PELI1: variants seen among roughly 807,000 people sequenced by gnomAD.
PELI1 encodes pellino E3 ubiquitin protein ligase 1.
A neutral mutation model predicts 41.3 loss-of-function variants in PELI1; 15 were observed. That is an observed-to-expected ratio of 0.36 (90% CI 0.24 to 0.56). PELI1 has a LOEUF of 0.56. Ranked by LOEUF, PELI1 falls within the 20% of genes least tolerant of loss-of-function variation. PELI1 has a pLI of 0.82. For synonymous variants in PELI1, 178 were observed against 180.1 expected, an observed-to-expected ratio of 0.99 and a Z score of 0.09; for missense variants, 403 against 525.5, an observed-to-expected ratio of 0.77 and a Z score of 2.28.
At chr2:64,135,201 C>T (rs972148211) in intron 1 of PELI1, among the ~76,000 whole-genome samples, 7 of 152,096 alleles carry the variant, frequency 4.6e-5, no homozygotes, top group African/African-American at 1.7e-4. Context: ...ATTTTACTAT[C>T]AAACTTTGCT....
At chr2:64,105,259 C>T (rs1313581709) in intron 2 of PELI1, among the ~76,000 whole-genome samples, 1 of 152,142 alleles carries the variant, frequency 6.6e-6, no homozygotes, top group Non-Finnish European at 1.5e-5. Flanking sequence ...GTGAACCAAA[C>T]ACTTTAAATA....
At chr2:64,098,387 G>C (rs937886430) in intron 4 of PELI1, among the ~76,000 whole-genome samples, 1 of 152,078 alleles carries the variant, frequency 6.6e-6, no homozygotes, top group South Asian at 2.1e-4. Flanking sequence ...CAATCCAGCC[G>C]AATTTCCTGC....
chr2:64,143,888 T>C (rs1438800248), intron 1 of PELI1, among the ~76,000 whole-genome samples, 193 bp downstream of exon 1: 1 of 151,374 alleles, frequency 6.6e-6, no homozygotes, highest in Non-Finnish European at 1.5e-5. Flanking sequence ...ACAAAGGCGC[T>C]TCCTCGAGCC....
At chr2:64,121,186 T>C (rs1681197748) in intron 1 of PELI1, among the ~76,000 whole-genome samples, 1 of 152,234 alleles carries the variant, frequency 6.6e-6, no homozygotes, top group Non-Finnish European at 1.5e-5. Context: ...GATCGGGGCA[T>C]ATTCTAGGGT....
intron 3 of PELI1, among the ~76,000 whole-genome samples, chr2:64,101,287 A>G (rs1439042317): frequency 6.6e-6 from 1 of 151,992 alleles, no homozygotes. Flanking sequence ...ATACAGAAAA[A>G]TGCATTTGGG....
In PELI1 at chr2:64,102,060, C is replaced by T. The variant is rs183748358; in HGVS notation, c.202-1561G>A. On this transcript the variant is annotated intron_variant, in intron 3 of 6. Transcript: ENST00000358912. ...CAGGCTGGTCTCGAACTCCTGACCT[C>T]GTGATCCACCCACCTCGGCCTCCCA... Among the ~76,000 whole-genome samples the T allele has an allele frequency of 7.9e-5, 12 of 152,078 alleles. No individual in the cohort carries two copies. In the East Asian group the frequency reaches 2.1e-3, roughly 27 times the overall value.
intron 1 of PELI1, among the ~76,000 whole-genome samples, chr2:64,110,928 A>AATATATATAT (rs113178570): frequency 0.012 from 1,792 of 149,348 alleles, 19 homozygotes; most frequent in South Asian, 0.019. Context: ...TCCATTTCAA[A>AATATATATAT]ATATATATAT....
intron 1 of PELI1, among the ~76,000 whole-genome samples, chr2:64,127,526 C>T (rs913415259): frequency 9.9e-5 from 15 of 152,144 alleles, no homozygotes; most frequent in Non-Finnish European, 2.2e-4. Context: ...TATTTTTCCT[C>T]ACACTATCAG....
intron 3 of PELI1, 87 bp downstream of exon 3, chr2:64,104,614 A>C: frequency 1.4e-6 from 2 of 1,400,210 alleles, no homozygotes; most frequent in Non-Finnish European, 9.3e-7. Context: ...TAGAAATGTA[A>C]GGGGAATGCT....
At chr2:64,099,020 T>C (rs1196266262) in intron 4 of PELI1, among the ~76,000 whole-genome samples, 3 of 152,198 alleles carry the variant, frequency 2.0e-5, no homozygotes, top group Non-Finnish European at 4.4e-5. Flanking sequence ...CCTGGTTTAA[T>C]TTCAGTTTTG....
In PELI1 at chr2:64,093,775, G is replaced by A. The variant is rs1680129996; in HGVS notation, c.*927C>T. 6.6e-6 allele frequency: 1 copy of A among 152,484 alleles called. No individual in the cohort carries two copies. The highest frequency in any genetic ancestry group is 1.9e-4 in the East Asian group (1 of 5,196). The allele number at this position is 152,484 out of a possible 1,614,324, so 9.4% of individuals were successfully genotyped here. On this transcript the variant is annotated 3_prime_UTR_variant, in exon 7 of 7. Coordinates refer to ENST00000358912, the MANE Select transcript of PELI1 (RefSeq NM_020651.4). ...GCAAATCAAGTCACTCTCCTTTCTT[G>A]CTAATTTATACTTTTTCTTATGGCA...
intron 1 of PELI1, among the ~76,000 whole-genome samples, chr2:64,119,822 G>T (rs531960287): frequency 6.6e-6 from 1 of 152,212 alleles, no homozygotes; most frequent in Non-Finnish European, 1.5e-5. Context: ...CTATGATACT[G>T]AAGCACCTTT....
At chr2:64,140,521 C>T (rs1681866877) in intron 1 of PELI1, among the ~76,000 whole-genome samples, 1 of 151,998 alleles carries the variant, frequency 6.6e-6, no homozygotes, top group African/African-American at 2.4e-5. Context: ...AGATGAAGCT[C>T]TCTTTCTCTA....
chr2:64,130,717 T>C (rs1362725227), intron 1 of PELI1, among the ~76,000 whole-genome samples: 1 of 152,140 alleles, frequency 6.6e-6, no homozygotes, highest in Admixed American at 6.6e-5. Context: ...TAAAAAAGCA[T>C]ACATATTTCT....
intron 1 of PELI1, among the ~76,000 whole-genome samples, chr2:64,123,864 A>G (rs1317918549): frequency 1.3e-5 from 2 of 152,240 alleles, no homozygotes; most frequent in Non-Finnish European, 2.9e-5. Flanking sequence ...AGCAATATTC[A>G]TAATAGCCCC....
intron 4 of PELI1, among the ~76,000 whole-genome samples, chr2:64,099,604 T>C (rs1680356913): frequency 6.6e-6 from 1 of 152,190 alleles, no homozygotes; most frequent in South Asian, 2.1e-4. Flanking sequence ...ATTAAATATA[T>C]TTCCAGGTCT....
At chr2:64,112,480 C>G (rs1387396110) in intron 1 of PELI1, among the ~76,000 whole-genome samples, 1 of 152,166 alleles carries the variant, frequency 6.6e-6, no homozygotes, top group Non-Finnish European at 1.5e-5. Flanking sequence ...GTACGGCTGG[C>G]ATATACCCTC....
intron 2 of PELI1, chr2:64,106,410 G>C (rs959030969): frequency 1.3e-5 from 2 of 152,058 alleles, no homozygotes; most frequent in Admixed American, 6.6e-5. Flanking sequence ...TAAGACTGGC[G>C]GTTTAAAACC....
chr2:64,116,122 T>C (rs1244972657), intron 1 of PELI1, among the ~76,000 whole-genome samples: 1 of 152,076 alleles, frequency 6.6e-6, no homozygotes, highest in Non-Finnish European at 1.5e-5. Context: ...GTCCAGACAG[T>C]TTAGGAACAG....
Sources: gnomAD v4.1 joint callset for allele counts (sites outside exome capture counted in the v4.1 genomes callset) on GRCh38, gnomAD v4.1.1 for gene constraint, MANE v1.5 for transcripts, NCBI Gene and HGNC (gene_info 2026-07-23, HGNC 2026-07-21) for gene names.